Variants in XPO5 observed in about 807,000 individuals in gnomAD.
XPO5 encodes the protein exportin-5.
A neutral mutation model predicts 160.6 loss-of-function variants in XPO5; 46 were observed. The ratio of observed to expected loss-of-function variants is 0.29; its 90% CI spans 0.23 to 0.37. XPO5 has a LOEUF of 0.37. XPO5 is among the 10% of genes least tolerant of loss of function. The pLI is 1.00. For missense variants in XPO5, 1,090 were observed against 1,463.9 expected, an observed-to-expected ratio of 0.74 and a Z score of 4.17; for synonymous variants, 537 against 519.3, an observed-to-expected ratio of 1.03 and a Z score of -0.46.
At chr6:43,541,191 A>G (rs1794673807) in intron 20 of XPO5, among the ~76,000 whole-genome samples, 2 of 152,218 alleles carry the variant, frequency 1.3e-5, no homozygotes, top group Admixed American at 6.5e-5. Context: ...AGTATTTCCT[A>G]GCACAATAGG....
intron 10 of XPO5, 73 bp from the exon 11 acceptor site, chr6:43,560,376 T>A: frequency 1.4e-6 from 2 of 1,471,292 alleles, no homozygotes; most frequent in Admixed American, 5.2e-5. Context: ...TTAGCAGTTA[T>A]CAACTACATT....
intron 22 of XPO5, 141 bp downstream of exon 22, chr6:43,531,338 A>G (rs2127707966): frequency 2.7e-6 from 2 of 742,134 alleles, no homozygotes; most frequent in East Asian, 2.7e-5. Flanking sequence ...TTTCATTTCT[A>G]TTTAACACTA....
At chr6:43,560,436 ATT>A in intron 10 of XPO5, 133 bp from the exon 11 acceptor site, 1 of 1,153,680 alleles carries the variant, frequency 8.7e-7, no homozygotes, top group East Asian at 2.7e-5. Flanking sequence ...CTCTACTGCA[ATT>A]TATCAGTAAT....
At chr6:43,570,329 A>G (rs1762948450) in intron 5 of XPO5, among the ~76,000 whole-genome samples, 173 bp downstream of exon 5, 1 of 151,106 alleles carries the variant, frequency 6.6e-6, no homozygotes, top group Admixed American at 6.6e-5. Context: ...AAAAAAAAAA[A>G]AAAAGAAAGA....
intron 10 of XPO5, 49 bp downstream of exon 10, chr6:43,560,875 A>T (rs1467692707): frequency 7.0e-7 from 1 of 1,427,566 alleles, no homozygotes. Flanking sequence ...AGTGCTTGAC[A>T]TTGGTTCACC....
intron 11 of XPO5, among the ~76,000 whole-genome samples, 170 bp downstream of exon 11, chr6:43,560,008 G>A (rs1356747572): frequency 1.3e-5 from 2 of 152,144 alleles, no homozygotes; most frequent in Admixed American, 6.5e-5. Flanking sequence ...TAGTAGAGAC[G>A]AGGTTTTGCC....
At chr6:43,550,651 C>G (rs751576126) in intron 15 of XPO5, among the ~76,000 whole-genome samples, 15 of 152,240 alleles carry the variant, frequency 9.9e-5, no homozygotes, top group Non-Finnish European at 1.6e-4. Context: ...TTTCTAGAGT[C>G]TAGATCTTCA....
At chr6:43,533,552 G>A (rs891885466) in intron 21 of XPO5, 5 of 178,220 alleles carry the variant, frequency 2.8e-5, no homozygotes, top group African/African-American at 1.2e-4. Flanking sequence ...AGCTGCTCAA[G>A]GAACCCATAA....
intron 21 of XPO5, among the ~76,000 whole-genome samples, chr6:43,533,112 G>A (rs1429645699): frequency 6.6e-6 from 1 of 152,098 alleles, no homozygotes; most frequent in Non-Finnish European, 1.5e-5. Flanking sequence ...ACCAGCCTGG[G>A]TGACAGAGTG....
chr6:43,559,039 G>A (rs922435919), intron 11 of XPO5: 13 of 153,892 alleles, frequency 8.4e-5, no homozygotes, highest in African/African-American at 1.4e-4. Flanking sequence ...GCTCACGCCT[G>A]TAATCCCAGC....
chr6:43,570,676 C>A lies in XPO5; in HGVS notation c.447G>T (p.Gln149His), dbSNP rs1224152150. ...LDTLSKQGET[Q>H]TELVMFILLR... Reference sequence around the variant, plus strand: ...AAAGGATAAACATCACCAATTCTGTCTGTGTTTCCTACACCAATAGAAATA... The same window carrying A: ...AAAGGATAAACATCACCAATTCTGTATGTGTTTCCTACACCAATAGAAATA... The change falls in exon 5 of 32, where the codon CAG becomes CAT. Residue 149 changes from glutamine (Q) to histidine (H), a missense_variant. Coordinates refer to ENST00000265351, the MANE Select transcript of XPO5 (RefSeq NM_020750.3). The A allele has an allele frequency of 1.2e-6, 2 of 1,608,750 alleles. No homozygotes were observed. The highest frequency in any genetic ancestry group is 1.7e-5 in the Admixed American group (1 of 58,904).
rs1188904116 is a variant in XPO5, at chr6:43,549,507, G to A, written c.1842C>T (p.Asp614=). The part of the protein sequence containing the change: ...ACSSIIKMCR[D]YPQLVLPNFD... ...AGCTTACCAGCACAAGCTGGGGGTA[G>A]TCACGACACATCTTGATGATGGAGG... The change falls in exon 17 of 32, where the codon GAC becomes GAT. Residue 614 remains aspartate (D), a synonymous_variant. Transcript: ENST00000265351. 1 of 1,612,660 alleles carries A rather than the reference G, an allele frequency of 6.2e-7. No individual in the cohort carries two copies. The highest frequency in any genetic ancestry group is 1.1e-5 in the South Asian group (1 of 90,954).
At chr6:43,565,864 TAGAA>T in intron 7 of XPO5, 128 bp from the exon 8 acceptor site, 1 of 665,680 alleles carries the variant, frequency 1.5e-6, no homozygotes, top group East Asian at 3.1e-5. Flanking sequence ...AGTGAAACAC[TAGAA>T]AGAAGCCCAA....
intron 23 of XPO5, chr6:43,529,552 TC>T: frequency 1.6e-5 from 2 of 123,698 alleles, no homozygotes; most frequent in Admixed American, 7.6e-5. Context: ...AGACTCCGTC[TC>T]AAAAAAAAAA....
chr6:43,539,318 G>C (rs992320921), intron 20 of XPO5: 2 of 1,567,636 alleles, frequency 1.3e-6, no homozygotes, highest in African/African-American at 2.7e-5. Context: ...GTCCCCGATA[G>C]CAACAAACGC....
At chr6:43,528,012 G>A in intron 25 of XPO5, 147 bp downstream of exon 25, 1 of 839,600 alleles carries the variant, frequency 1.2e-6, no homozygotes. Context: ...AGCCTGTCCA[G>A]ACAAGCCATG....
intron 20 of XPO5, among the ~76,000 whole-genome samples, chr6:43,534,665 C>A (rs1050201152): frequency 1.3e-5 from 2 of 152,096 alleles, no homozygotes; most frequent in Admixed American, 6.6e-5. Context: ...TCTTTTAGAC[C>A]ATGTTTAAAC....
At chr6:43,571,400 G>A (rs1006576234) in intron 3 of XPO5, among the ~76,000 whole-genome samples, 1 of 152,206 alleles carries the variant, frequency 6.6e-6, no homozygotes, top group East Asian at 1.9e-4. Context: ...AACACTAGAA[G>A]ACGCAGAAGT....
rs756210227 is a variant in XPO5 at position 43,551,431 on chromosome 6, A to G, written c.1595T>C (p.Ile532Thr). Residue 532 changes from isoleucine (I) to threonine (T), a missense_variant, in exon 15 of 32, where the codon ATA (isoleucine) becomes ACA (threonine). Around this residue, in one of 3 missense-constraint regions of XPO5, gnomAD observed 810 missense variants for 1,139.0 expected, o/e 0.71. Coordinates refer to ENST00000265351, the MANE Select transcript of XPO5 (RefSeq NM_020750.3). ...GTTCAGAACCATCTGCAATAGCTCT[A>G]TTCCATCATTAACAGGAATTTCCTG... ...NREEIPVNDG[I>T]ELLQMVLNFD... is the part of the protein sequence containing the mutation. The G allele has an allele frequency of 5.0e-6, 8 of 1,613,430 alleles. No homozygotes were observed. In the African/African-American group the frequency reaches 9.3e-5, roughly 19 times the overall value.
Sources: allele counts gnomAD v4.1 joint callset (sites outside exome capture counted in the v4.1 genomes callset), GRCh38; gene constraint gnomAD v4.1.1; regional missense constraint gnomAD v4.1.1; transcripts MANE v1.5; gene names NCBI Gene and HGNC (gene_info 2026-07-23, HGNC 2026-07-21).